The following SIX4 variants were observed in gnomAD, a reference collection of about 807,000 sequenced individuals.
SIX4 encodes homeobox protein SIX4.
SIX4 carries 23 observed loss-of-function variants against 51.5 expected under a neutral mutation model. The ratio of observed to expected loss-of-function variants is 0.45; its 90% CI spans 0.32 to 0.63. SIX4 has a LOEUF of 0.63. SIX4 is among the 30% of genes least tolerant of loss of function. SIX4 has a pLI of 0.04. For missense variants in SIX4, 867 were observed against 984.0 expected, an observed-to-expected ratio of 0.88 and a Z score of 1.59; for synonymous variants, 413 against 417.3, an observed-to-expected ratio of 0.99 and a Z score of 0.13.
In SIX4 at chr14:60,724,236, C is replaced by T. The variant is rs921834013; in HGVS notation, c.-162G>A. ...CGGCTGTATCTGGCCGATCAGGTTTCCCCCCGGCCACGCAGTCACCATTAA... is the reference window on the plus strand; with the variant it reads ...CGGCTGTATCTGGCCGATCAGGTTTTCCCCCGGCCACGCAGTCACCATTAA... On this transcript the variant is annotated 5_prime_UTR_variant, in exon 1 of 3. Transcript: ENST00000216513. 1.2e-5 allele frequency: 18 copies of T among 1,540,168 alleles called. No individual in the cohort carries two copies. Among genetic ancestry groups the T allele is most frequent in the Non-Finnish European group, 1.6e-5 (18 of 1,148,798 alleles).
rs780048379 is a variant in SIX4, at chr14:60,713,870, A to C, written c.1883T>G (p.Leu628Arg). 6.2e-7 allele frequency: 1 copy of C among 1,614,208 alleles called. No individual in the cohort carries two copies. ...GTCGCGGTTTAGCTCAGTGGGATTT[A>C]GTAGTGTAGAGGGACTGAGAGAAAA... is the stretch of plus-strand genomic sequence containing the variant. Reference protein sequence around the residue: ...HNFSLSPSTLLNPTELNRDIA... With the variant: ...HNFSLSPSTLRNPTELNRDIA... The change falls in exon 3 of 3, where the codon CTA becomes CGA. Residue 628 changes from leucine to arginine, a missense_variant. Leu to Arg is a moderately radical substitution (Grantham distance 102, BLOSUM62 -2). Transcript: ENST00000216513.
Position 60,723,906 on chromosome 14 carries a change from C to A in SIX4, c.169G>T (p.Asp57Tyr). The A allele has an allele frequency of 6.6e-7, 1 of 1,518,788 alleles. No homozygotes were observed. Among genetic ancestry groups the A allele is most frequent in the Non-Finnish European group, 8.7e-7 (1 of 1,148,442 alleles). The allele number at this position is 1,518,788 out of a possible 1,614,324, so 94.1% of individuals were successfully genotyped here. A position where few individuals can be genotyped will look rare whatever the true frequency, so the allele number is the denominator to read the frequency against. Reference sequence around the variant, plus strand: ...ACCCTGGCGGCAGCGGTCGCGGCGTCCCCCGGCTCCAGGGGAAAAGGGGCT... The same window carrying A: ...ACCCTGGCGGCAGCGGTCGCGGCGTACCCCGGCTCCAGGGGAAAAGGGGCT... ...APAPFPLEPGDAATAAARVSG... is the reference protein window; with the variant it reads ...APAPFPLEPGYAATAAARVSG... The change falls in exon 1 of 3, where the codon GAC becomes TAC. Residue 57 changes from aspartate to tyrosine, a missense_variant. Physicochemically the swap from Asp to Tyr is radical, Grantham distance 160 (BLOSUM62 -3). Coordinates refer to ENST00000216513, the MANE Select transcript of SIX4 (RefSeq NM_017420.5).
rs996765952 is a variant in SIX4 at position 60,722,733 on chromosome 14, G to A, written c.863+479C>T. Among the ~76,000 whole-genome samples, 1 of 152,082 alleles carries A rather than the reference G, an allele frequency of 6.6e-6. No individual in the cohort carries two copies. On this transcript the variant is annotated intron_variant, in intron 1 of 2. Transcript: ENST00000216513. This position sits in a 1 kb window ranked among gnomAD's most constrained non-coding sequence, Gnocchi z 5.9. ...GGGGGCGGCTGAACCCTGGGGATCC[G>A]GGAGCGTGCGCGCGCGCCAGGCCCG...
chr14:60,721,516 T>C (rs1896018737), intron 1 of SIX4, among the ~76,000 whole-genome samples: 1 of 152,112 alleles, frequency 6.6e-6, no homozygotes, highest in African/African-American at 2.4e-5. Context: ...AAGCTGAGGC[T>C]GAGCCGCCGT....
Position 60,717,512 on chromosome 14 carries a change from T to C in SIX4, c.1549+2248A>G, listed in dbSNP as rs1028323298. 1.3e-5 allele frequency among the ~76,000 whole-genome samples: 2 copies of C among 152,176 alleles called. No homozygotes were observed. The highest frequency in any genetic ancestry group is 2.4e-5 in the African/African-American group (1 of 41,448). ...GATTAGTTATCTTTTTATAGAGCCA[T>C]AAATAGCATAATACATGCAACATTT... On this transcript the variant is annotated intron_variant, in intron 2 of 2. Coordinates refer to ENST00000216513, the MANE Select transcript of SIX4 (RefSeq NM_017420.5). This position sits in a 1 kb window ranked among gnomAD's most constrained non-coding sequence, Gnocchi z 4.6.
rs1895983561 is a variant in SIX4 at position 60,719,602 on chromosome 14, G to A, written c.1549+158C>T. Among the ~76,000 whole-genome samples the A allele has an allele frequency of 6.6e-6, 1 of 152,208 alleles. No individual in the cohort carries two copies. Among genetic ancestry groups the A allele is most frequent in the African/African-American group, 2.4e-5 (1 of 41,432 alleles). On this transcript the variant is annotated intron_variant, in intron 2 of 2. Transcript: ENST00000216513. This position sits in a 1 kb window ranked among gnomAD's most constrained non-coding sequence, Gnocchi z 4.9. ...GCAACCTGGATATGACATGGGTATT[G>A]TGAAAGAGGAGAATCACATCAAGGC...
intron 1 of SIX4, 24 bp downstream of exon 1, chr14:60,723,185 GGGA>G: frequency 1.3e-6 from 2 of 1,575,226 alleles, no homozygotes; most frequent in Non-Finnish European, 1.7e-6. Flanking sequence ...GAGAGGAAGG[GGGA>G]GGAGGAGGAA....
intron 2 of SIX4, among the ~76,000 whole-genome samples, chr14:60,716,039 T>C (rs1895914935): frequency 1.3e-5 from 2 of 151,936 alleles, no homozygotes; most frequent in African/African-American, 2.4e-5. Context: ...CTAATTTTTG[T>C]AGTTTTAGTA....
chr14:60,724,250 A>G lies in SIX4; in HGVS notation c.-176T>C. On this transcript the variant is annotated 5_prime_UTR_variant, in exon 1 of 3. Coordinates refer to ENST00000216513, the MANE Select transcript of SIX4 (RefSeq NM_017420.5). ...CGATCAGGTTTCCCCCCGGCCACGC[A>G]GTCACCATTAAGATAGCTGTTAGAG... The G allele has an allele frequency of 6.5e-7, 1 of 1,536,334 alleles. No individual in the cohort carries two copies. The highest frequency in any genetic ancestry group is 8.7e-7 in the Non-Finnish European group (1 of 1,147,410).
At position 60,722,087 on chromosome 14, in the gene SIX4, C is replaced by T. The variant is rs1430573720; in HGVS notation, c.863+1125G>A. 6.6e-6 allele frequency among the ~76,000 whole-genome samples: 1 copy of T among 152,138 alleles called. No individual in the cohort carries two copies. Among genetic ancestry groups the T allele is most frequent in the Non-Finnish European group, 1.5e-5 (1 of 68,002 alleles). On this transcript the variant is annotated intron_variant, in intron 1 of 2. Transcript: ENST00000216513. The surrounding 1 kb of genome is among the most constrained non-coding windows in gnomAD (Gnocchi z 5.9). Reference sequence around the variant, plus strand: ...ACCTGGCGCAGGCGGGCTGGATCCCCGGCTCCCAGTTTGCTTCCCCGAGAA... The same window carrying T: ...ACCTGGCGCAGGCGGGCTGGATCCCTGGCTCCCAGTTTGCTTCCCCGAGAA...
In SIX4 at chr14:60,719,957, G is replaced by A. The variant is rs550941900; in HGVS notation, c.1352C>T (p.Thr451Ile). Residue 451 changes from threonine (T) to isoleucine (I), a missense_variant, in exon 2 of 3, where the codon ACT becomes ATT. Physicochemically the swap from Thr to Ile is moderately conservative, Grantham distance 89. Coordinates refer to ENST00000216513, the MANE Select transcript of SIX4 (RefSeq NM_017420.5). This position sits in a 1 kb window ranked among gnomAD's most constrained non-coding sequence, Gnocchi z 4.9. ...PVSFPGLIPSTEVKREGIQTV... is the reference protein window; with the variant it reads ...PVSFPGLIPSIEVKREGIQTV... The stretch of plus-strand genomic sequence containing the variant: ...TTGAATGCCTTCTCTTTTCACCTCA[G>A]TGCTGGGTATCAGGCCTGGGAATGA... 3.1e-6 allele frequency: 5 copies of A among 1,614,080 alleles called. No individual in the cohort carries two copies. The highest frequency in any genetic ancestry group is 1.3e-5 in the African/African-American group (1 of 74,928).
Position 60,723,780 on chromosome 14 carries a change from C to T in SIX4, c.295G>A (p.Ala99Thr). ...GCCAGCGGGGTCTGCGCGGCGGCGG[C>T]GGCGGCGTGGTGGTGCCTGCCCAGA... ...ELLGRHHHAAAAAAQTPLAFS... is the reference protein window; with the variant it reads ...ELLGRHHHAATAAAQTPLAFS... The change falls in exon 1 of 3, where the codon GCC (alanine) becomes ACC (threonine). Residue 99 changes from alanine (A) to threonine (T), a missense_variant. Coordinates refer to ENST00000216513, the MANE Select transcript of SIX4 (RefSeq NM_017420.5). 6.5e-7 allele frequency: 1 copy of T among 1,536,794 alleles called. No homozygotes were observed. Among genetic ancestry groups the T allele is most frequent in the Non-Finnish European group, 8.7e-7 (1 of 1,146,908 alleles).
intron 1 of SIX4, chr14:60,721,249 A>G (rs1307095065): frequency 4.8e-6 from 3 of 625,662 alleles, no homozygotes; most frequent in Non-Finnish European, 6.0e-6. Context: ...CCTGTTCCTC[A>G]GCTCTCTGAC....
chr14:60,719,624 A>C lies in SIX4; in HGVS notation c.1549+136T>G. The C allele has an allele frequency of 2.4e-6, 2 of 850,934 alleles. No individual in the cohort carries two copies. Among genetic ancestry groups the C allele is most frequent in the Non-Finnish European group, 3.6e-6 (2 of 562,310 alleles). The allele number at this position is 850,934 out of a possible 1,614,324, so 52.7% of individuals were successfully genotyped here. On this transcript the variant is annotated intron_variant, in intron 2 of 2. Coordinates refer to ENST00000216513, the MANE Select transcript of SIX4 (RefSeq NM_017420.5). This position sits in a 1 kb window ranked among gnomAD's most constrained non-coding sequence, Gnocchi z 4.9. ...ATTGTGAAAGAGGAGAATCACATCA[A>C]GGCTACTCTACAGCTTCGGCAGCTA... is the stretch of plus-strand genomic sequence containing the variant.
Position 60,722,992 on chromosome 14 carries a change from G to A in SIX4, c.863+220C>T, listed in dbSNP as rs1046445904. ...AGGCGGGCGACCAGAAACTTCTGGG[G>A]GGAGAGGGGGAGGGTAAGGAGGGAG... is the stretch of plus-strand genomic sequence containing the variant. On this transcript the variant is annotated intron_variant, in intron 1 of 2. Coordinates refer to ENST00000216513, the MANE Select transcript of SIX4 (RefSeq NM_017420.5). The surrounding 1 kb of genome is among the most constrained non-coding windows in gnomAD (Gnocchi z 5.9). 3.2e-6 allele frequency: 3 copies of A among 932,190 alleles called. No individual in the cohort carries two copies. The highest frequency in any genetic ancestry group is 4.5e-6 in the Non-Finnish European group (3 of 661,754). The allele number at this position is 932,190 out of a possible 1,614,324, so 57.7% of individuals were successfully genotyped here. A position where few individuals can be genotyped will look rare whatever the true frequency, so the allele number is the denominator to read the frequency against.
In SIX4 at chr14:60,712,307, G is replaced by T. The variant is rs1160850982; in HGVS notation, c.*1100C>A. ...TATTTAGTGAAACTTAAGTTCTTCA[G>T]ATTTAAAGCAATTTTGTGGTGAAAT... On this transcript the variant is annotated 3_prime_UTR_variant, in exon 3 of 3. Coordinates refer to ENST00000216513, the MANE Select transcript of SIX4 (RefSeq NM_017420.5). The T allele has an allele frequency of 3.9e-5, 6 of 152,544 alleles. No individual in the cohort carries two copies. Among genetic ancestry groups the T allele is most frequent in the African/African-American group, 1.4e-4 (6 of 41,436 alleles). 9.4% of individuals were successfully genotyped at this position (152,544 alleles called of 1,614,324 possible). A position where few individuals can be genotyped will look rare whatever the true frequency, so the allele number is the denominator to read the frequency against.
Position 60,722,050 on chromosome 14 carries a change from G to A in SIX4, c.863+1162C>T, listed in dbSNP as rs150856755. On this transcript the variant is annotated intron_variant, in intron 1 of 2. Transcript: ENST00000216513. This position sits in a 1 kb window ranked among gnomAD's most constrained non-coding sequence, Gnocchi z 5.9. Reference sequence around the variant, plus strand: ...CTGAGACCGGCTCTGGAATGCGCTGGTGATCACCTTCACCTGGCGCAGGCG... The same window carrying A: ...CTGAGACCGGCTCTGGAATGCGCTGATGATCACCTTCACCTGGCGCAGGCG... Among the ~76,000 whole-genome samples the A allele has an allele frequency of 3.8e-3, 582 of 152,302 alleles. 1 individual carries two copies. Among genetic ancestry groups the A allele is most frequent in the Admixed American group, 8.0e-3 (122 of 15,304 alleles).
chr14:60,720,868 A>G lies in SIX4; in HGVS notation c.864-423T>C, dbSNP rs936032512. On this transcript the variant is annotated intron_variant, in intron 1 of 2. Transcript: ENST00000216513. The surrounding 1 kb of genome is among the most constrained non-coding windows in gnomAD (Gnocchi z 5.5). The stretch of plus-strand genomic sequence containing the variant: ...AACTCCTTCCCCTCCCCTCAAACCA[A>G]TTCAGATTAGTGTTATCTTGGAGGT... 3.8e-6 allele frequency: 3 copies of G among 790,080 alleles called. No individual in the cohort carries two copies. The highest frequency in any genetic ancestry group is 1.5e-6 in the Non-Finnish European group (1 of 648,014). The allele number at this position is 790,080 out of a possible 1,614,324, so 48.9% of individuals were successfully genotyped here.
rs2140263864 is a variant in SIX4, at chr14:60,710,266, ATAATATCTACCTGCCTT to A, written c.*3124_*3140del. On this transcript the variant is annotated 3_prime_UTR_variant, in exon 3 of 3. Coordinates refer to ENST00000216513, the MANE Select transcript of SIX4 (RefSeq NM_017420.5). ...TAACTATGGATTTTTACCTATGGCT[ATAATATCTACCTGCCTT>A]TCATAACACAAGAAAGGCACTGAAA... 1 of 152,768 alleles carries A rather than the reference ATAATATCTACCTGCCTT, an allele frequency of 6.5e-6. No homozygotes were observed. Among genetic ancestry groups the A allele is most frequent in the South Asian group, 2.1e-4 (1 of 4,830 alleles). The allele number at this position is 152,768 out of a possible 1,614,324, so 9.5% of individuals were successfully genotyped here.
Sources: allele counts gnomAD v4.1 joint callset (sites outside exome capture counted in the v4.1 genomes callset), GRCh38; gene constraint gnomAD v4.1.1; non-coding constraint Gnocchi (gnomAD v3.1); transcripts MANE v1.5; gene names NCBI Gene and HGNC (gene_info 2026-07-23, HGNC 2026-07-21).